ZNF804B: variants seen among roughly 807,000 people sequenced by gnomAD.
ZNF804B encodes the protein zinc finger protein 804B.
A neutral mutation model predicts 101.4 loss-of-function variants in ZNF804B; 80 were observed. The ratio of observed to expected loss-of-function variants is 0.79; its 90% CI spans 0.66 to 0.95. ZNF804B has a LOEUF of 0.95. Ranked by LOEUF, ZNF804B falls within the 40% of genes least tolerant of loss-of-function variation. The pLI, the probability that ZNF804B is intolerant of heterozygous loss-of-function variation, is 0.00. For missense variants in ZNF804B, 1,673 were observed against 1,561.9 expected (o/e 1.07, Z -1.20); for synonymous variants, 622 against 558.8 (o/e 1.11, Z -1.59).
chr7:88,794,844 A>G, intron 1 of ZNF804B: 1 of 1,613,718 alleles, frequency 6.2e-7, no homozygotes, highest in Non-Finnish European at 8.5e-7. Context: ...TCTCTTCTTG[A>G]AAGTGCAGGT....
intron 2 of ZNF804B, among the ~76,000 whole-genome samples, chr7:89,318,228 A>G (rs1441396622): frequency 6.6e-6 from 1 of 152,148 alleles, no homozygotes; most frequent in Non-Finnish European, 1.5e-5. Flanking sequence ...GGCAGGGGCT[A>G]ATAGGAATGG....
chr7:89,216,855 C>A (rs781450988), intron 1 of ZNF804B, among the ~76,000 whole-genome samples: 1 of 152,168 alleles, frequency 6.6e-6, no homozygotes, highest in Non-Finnish European at 1.5e-5. Context: ...TTTGGAGAAA[C>A]AAAGATAAAA....
chr7:89,101,643 G>A (rs560895688), intron 1 of ZNF804B, among the ~76,000 whole-genome samples: 1 of 151,760 alleles, frequency 6.6e-6, no homozygotes, highest in African/African-American at 2.4e-5. Flanking sequence ...TGATGTAAAG[G>A]TAATGTAAAA....
At chr7:88,878,317 A>T (rs763261481) in intron 1 of ZNF804B, among the ~76,000 whole-genome samples, 1 of 152,068 alleles carries the variant, frequency 6.6e-6, no homozygotes, top group Non-Finnish European at 1.5e-5. Flanking sequence ...AGATTGCCCT[A>T]TTTCCCTTTA....
intron 1 of ZNF804B, among the ~76,000 whole-genome samples, chr7:88,804,798 G>A (rs898060060): frequency 6.6e-6 from 1 of 152,052 alleles, no homozygotes; most frequent in African/African-American, 2.4e-5. Context: ...TTGTCACATG[G>A]AATGGAGAAA....
intron 2 of ZNF804B, among the ~76,000 whole-genome samples, chr7:89,322,481 A>G (rs946539907): frequency 1.3e-5 from 2 of 152,182 alleles, no homozygotes; most frequent in Non-Finnish European, 2.9e-5. Context: ...GCATACTACT[A>G]AATAATATCT....
At chr7:88,974,193 C>T (rs1373189583) in intron 1 of ZNF804B, among the ~76,000 whole-genome samples, 1 of 151,228 alleles carries the variant, frequency 6.6e-6, no homozygotes, top group African/African-American at 2.4e-5. Flanking sequence ...TAGTGAAACT[C>T]TCTGGGCCTC....
At chr7:89,332,220 T>C (rs891584411) in intron 3 of ZNF804B, among the ~76,000 whole-genome samples, 2 of 151,716 alleles carry the variant, frequency 1.3e-5, no homozygotes, top group African/African-American at 4.8e-5. Context: ...ACAAAAGGAA[T>C]GTGATGACTC....
chr7:89,315,209 C>G (rs959335293), intron 2 of ZNF804B, among the ~76,000 whole-genome samples: 33 of 152,096 alleles, frequency 2.2e-4, no homozygotes, highest in Admixed American at 9.2e-4. Flanking sequence ...CATGAGAACT[C>G]ACTCACTATG....
intron 1 of ZNF804B, among the ~76,000 whole-genome samples, chr7:89,176,469 T>C (rs1268341734): frequency 2.0e-5 from 3 of 151,986 alleles, no homozygotes; most frequent in Non-Finnish European, 4.4e-5. Flanking sequence ...GAATGATCTT[T>C]TTAATGTGTT....
intron 1 of ZNF804B, among the ~76,000 whole-genome samples, chr7:88,826,714 TG>T (rs1225597491): frequency 6.6e-6 from 1 of 152,230 alleles, no homozygotes; most frequent in East Asian, 1.9e-4. Context: ...AGAAAGACTT[TG>T]GCAATGGGAA....
intron 2 of ZNF804B, among the ~76,000 whole-genome samples, chr7:89,306,494 CTTTTA>C (rs5885674): frequency 0.34 from 51,304 of 151,384 alleles, 9,159 homozygotes; most frequent in Non-Finnish European, 0.39. Context: ...CTGATCGTGT[CTTTTA>C]TTTTATTTTT....
chr7:88,989,221 C>A (rs1188431907), intron 1 of ZNF804B, among the ~76,000 whole-genome samples: 2 of 151,980 alleles, frequency 1.3e-5, no homozygotes, highest in Non-Finnish European at 2.9e-5. Context: ...TGGTCTTGAT[C>A]TCCTGACCTC....
intron 1 of ZNF804B, among the ~76,000 whole-genome samples, chr7:88,870,863 A>G (rs763249109): frequency 6.6e-6 from 1 of 152,152 alleles, no homozygotes; most frequent in African/African-American, 2.4e-5. Flanking sequence ...CCTTTACTCT[A>G]TTTACTTGGA....
chr7:88,919,200 A>T (rs907990881), intron 1 of ZNF804B, among the ~76,000 whole-genome samples: 2 of 152,170 alleles, frequency 1.3e-5, no homozygotes, highest in African/African-American at 2.4e-5. Flanking sequence ...GCTGAAGCTT[A>T]TTCATGTAAA....
chr7:89,319,706 C>T (rs1403730894), intron 2 of ZNF804B, among the ~76,000 whole-genome samples: 2 of 152,128 alleles, frequency 1.3e-5, no homozygotes, highest in Non-Finnish European at 2.9e-5. Flanking sequence ...CTGTGATGCA[C>T]GCACACAGGG....
At chr7:88,999,559 CAA>C (rs1243534960) in intron 1 of ZNF804B, among the ~76,000 whole-genome samples, 1 of 151,874 alleles carries the variant, frequency 6.6e-6, no homozygotes, top group Non-Finnish European at 1.5e-5. Context: ...TCAGTGCACA[CAA>C]AAATTAATTG....
intron 1 of ZNF804B, among the ~76,000 whole-genome samples, chr7:89,065,590 A>C (rs1222903111): frequency 6.6e-6 from 1 of 152,182 alleles, no homozygotes. Flanking sequence ...CACAACACAC[A>C]GTGGGTTAAA....
At chr7:89,147,102 T>TA (rs1179933491) in intron 1 of ZNF804B, among the ~76,000 whole-genome samples, 7 of 150,004 alleles carry the variant, frequency 4.7e-5, no homozygotes, top group South Asian at 2.1e-4. Flanking sequence ...TATATATATA[T>TA]TTAATGTTTA....
Sources: allele counts gnomAD v4.1 joint callset (sites outside exome capture counted in the v4.1 genomes callset), GRCh38; gene constraint gnomAD v4.1.1; transcripts MANE v1.5; gene names NCBI Gene and HGNC (gene_info 2026-07-23, HGNC 2026-07-21).